Variants in KLHL21 observed in about 807,000 individuals in gnomAD.
KLHL21 encodes the protein kelch like family member 21.
In KLHL21, 42 loss-of-function variants were observed where a neutral mutation model predicts 44.1. The ratio of observed to expected loss-of-function variants is 0.95; its 90% CI spans 0.74 to 1.23. The LOEUF is 1.23. Ranked by LOEUF, KLHL21 falls within the 50% of genes most tolerant of loss-of-function variation. The probability of loss-of-function intolerance (pLI) is 0.00; values close to 1 mark genes in which losing one functional copy is unlikely to be tolerated. For synonymous variants in KLHL21, 524 were observed against 411.6 expected, an observed-to-expected ratio of 1.27 and a Z score of -3.31; for missense variants, 918 against 889.1, an observed-to-expected ratio of 1.03 and a Z score of -0.41.
intron 1 of KLHL21, 41 bp from the exon 2 acceptor site, chr1:6,599,493 G>A (rs370053353): frequency 8.3e-6 from 13 of 1,562,412 alleles, no homozygotes; most frequent in Admixed American, 1.7e-5. Flanking sequence ...GCCCACTCAG[G>A]TGAGTCACCC....
intron 1 of KLHL21, among the ~76,000 whole-genome samples, chr1:6,600,409 C>G (rs1557435870): frequency 6.6e-6 from 1 of 152,124 alleles, no homozygotes; most frequent in Non-Finnish European, 1.5e-5. Flanking sequence ...TAAATTACAC[C>G]AGGTCTATTA....
chr1:6,594,065 G>T, intron 3 of KLHL21: 1 of 1,016,760 alleles, frequency 9.8e-7, no homozygotes, highest in Non-Finnish European at 1.2e-6. Flanking sequence ...GAGGCTGGAT[G>T]ATTCCTTCCA....
intron 1 of KLHL21, 82 bp downstream of exon 1, chr1:6,601,715 T>G: frequency 1.4e-6 from 2 of 1,465,270 alleles, no homozygotes; most frequent in Non-Finnish European, 1.8e-6. Context: ...CCAGGCTCTG[T>G]GCGCTTCCCC....
chr1:6,593,578 CGA>C lies in KLHL21; in HGVS notation c.1579_1580del (p.Ser527GlyfsTer7). 2 of 1,613,860 alleles carry C rather than the reference CGA, an allele frequency of 1.2e-6. No individual in the cohort carries two copies. Among genetic ancestry groups the C allele is most frequent in the Non-Finnish European group, 1.7e-6 (2 of 1,179,900 alleles). On this transcript the variant is annotated frameshift_variant, in exon 4 of 4. Coordinates refer to ENST00000377658, the MANE Select transcript of KLHL21 (RefSeq NM_014851.4). LOFTEE classifies it high-confidence loss of function. ...SGGYDNTFEL[S>X]DVVEAYDPET... ...CTGGGTCATAGGCCTCTACCACGTC[CGA>C]GAGTTCAAATGTATTGTCGTATCCC...
At chr1:6,599,981 T>A (rs559065499) in intron 1 of KLHL21, among the ~76,000 whole-genome samples, 1 of 152,292 alleles carries the variant, frequency 6.6e-6, no homozygotes, top group South Asian at 2.1e-4. Flanking sequence ...CAAAGCTGTG[T>A]TTGGTTTAGA....
In KLHL21 at chr1:6,594,967, G is replaced by A. The variant is rs1183988997; in HGVS notation, c.1500+518C>T. On this transcript the variant is annotated intron_variant, in intron 3 of 3. Coordinates refer to ENST00000377658, the MANE Select transcript of KLHL21 (RefSeq NM_014851.4). The stretch of plus-strand genomic sequence containing the variant: ...CTCAGCTATTCAGGAAGGTGCGGTG[G>A]GAGGACTGCGAGTCAAGGAGGTGGA... 2.7e-5 allele frequency: 5 copies of A among 182,518 alleles called. No homozygotes were observed. The East Asian group carries it at 6.1e-4, about 22-fold the overall frequency. The allele number at this position is 182,518 out of a possible 1,614,324, so 11.3% of individuals were successfully genotyped here. A position where few individuals can be genotyped will look rare whatever the true frequency, so the allele number is the denominator to read the frequency against.
intron 3 of KLHL21, chr1:6,594,073 C>T: frequency 2.0e-6 from 2 of 1,009,578 alleles, no homozygotes; most frequent in Non-Finnish European, 2.4e-6. Flanking sequence ...ATGATTCCTT[C>T]CATCTTTCCC....
At position 6,593,626 on chromosome 1, in the gene KLHL21, C is replaced by T. The variant is rs1191205878; in HGVS notation, c.1533G>A (p.Gly511=). ...VHVGGSLAVL[G]GKLYVSGGYD... is the part of the protein sequence containing the mutation. ...ATCCCCCAGAGACGTACAGCTTCCC[C>T]CCAAGGACGGCCAGGCTGCCCCCCA... is the stretch of plus-strand genomic sequence containing the variant. Residue 511 remains glycine (G), a synonymous_variant, in exon 4 of 4, where the codon GGG becomes GGA. Transcript: ENST00000377658. 1 of 1,596,038 alleles carries T rather than the reference C, an allele frequency of 6.3e-7. No homozygotes were observed. The highest frequency in any genetic ancestry group is 1.3e-5 in the African/African-American group (1 of 74,642).
chr1:6,599,845 T>G, intron 1 of KLHL21: 3 of 189,152 alleles, frequency 1.6e-5, no homozygotes, highest in African/African-American at 2.3e-5. Flanking sequence ...CACTAACTCC[T>G]AGGCTTCCTG....
At chr1:6,597,196 G>A (rs973912677) in intron 2 of KLHL21, among the ~76,000 whole-genome samples, 2 of 152,160 alleles carry the variant, frequency 1.3e-5, no homozygotes, top group African/African-American at 4.8e-5. Flanking sequence ...AGTGGCTTAG[G>A]AAACCCCTGG....
At position 6,593,404 on chromosome 1, in the gene KLHL21, G is replaced by T. The variant is rs1640880943; in HGVS notation, c.1755C>A (p.Gly585=). 2.5e-6 allele frequency: 4 copies of T among 1,608,640 alleles called. No individual in the cohort carries two copies. The highest frequency in any genetic ancestry group is 1.7e-6 in the Non-Finnish European group (2 of 1,177,868). ...LDSGSDDMDP[G]RPRPPRDPDE... is the part of the protein sequence containing the mutation. ...CGGGGTCCCGCGGCGGCCGGGGTCG[G>T]CCTGGGTCCATGTCATCGCTGCCAC... The change falls in exon 4 of 4, where the codon GGC becomes GGA. Residue 585 remains glycine, a synonymous_variant. Transcript: ENST00000377658.
rs1284017386 is a variant in KLHL21, at chr1:6,599,290, T to C, written c.1184A>G (p.Tyr395Cys). ...YVVAADSTER[Y>C]DHTTDSWEAL... is the part of the protein sequence containing the mutation. ...CTCCCAGGAGTCAGTGGTGTGGTCATAGCGCTCGGTGCTGTCGGCGGCCAC... is the reference window on the plus strand; with the variant it reads ...CTCCCAGGAGTCAGTGGTGTGGTCACAGCGCTCGGTGCTGTCGGCGGCCAC... The change falls in exon 2 of 4, where the codon TAT becomes TGT. Residue 395 changes from tyrosine to cysteine, a missense_variant. By Grantham distance (194) the Tyr-to-Cys change is radical. Transcript: ENST00000377658. 3 of 1,614,002 alleles carry C rather than the reference T, an allele frequency of 1.9e-6. No homozygotes were observed. In the South Asian group the frequency reaches 3.3e-5, roughly 18 times the overall value.
intron 1 of KLHL21, among the ~76,000 whole-genome samples, chr1:6,600,807 T>C (rs1439367901): frequency 6.6e-6 from 1 of 152,132 alleles, no homozygotes; most frequent in African/African-American, 2.4e-5. Flanking sequence ...GGGGACAACC[T>C]TGGATTGGAA....
chr1:6,596,137 C>T (rs1329506369), intron 2 of KLHL21, among the ~76,000 whole-genome samples: 3 of 152,240 alleles, frequency 2.0e-5, no homozygotes, highest in Non-Finnish European at 4.4e-5. Context: ...CTGTGGCTCA[C>T]GCCTGTAATG....
intron 2 of KLHL21, among the ~76,000 whole-genome samples, chr1:6,596,377 G>T (rs778251893): frequency 6.6e-6 from 1 of 152,238 alleles, no homozygotes; most frequent in Admixed American, 6.5e-5. Context: ...ATTACAGTGA[G>T]CCAAGAGCGT....
In KLHL21 at chr1:6,591,257, TAG is replaced by T. The variant is rs1011416036; in HGVS notation, c.*2106_*2107del. On this transcript the variant is annotated 3_prime_UTR_variant, in exon 4 of 4. Coordinates refer to ENST00000377658, the MANE Select transcript of KLHL21 (RefSeq NM_014851.4). ...AGGGTCCTGATGGTGGAGACCTGGG[TAG>T]GTCCGGAGGACAGACACAGGAGAGG... 1 of 361,006 alleles carries T rather than the reference TAG, an allele frequency of 2.8e-6. No individual in the cohort carries two copies. Among genetic ancestry groups the T allele is most frequent in the African/African-American group, 2.1e-5 (1 of 47,954 alleles). The allele number at this position is 361,006 out of a possible 1,614,324, so 22.4% of individuals were successfully genotyped here. A position where few individuals can be genotyped will look rare whatever the true frequency, so the allele number is the denominator to read the frequency against.
At chr1:6,593,684 G>A (rs1221736253) in intron 3 of KLHL21, 26 bp from the exon 4 acceptor site, 3 of 1,541,568 alleles carry the variant, frequency 1.9e-6, no homozygotes, top group Non-Finnish European at 2.6e-6. Context: ...ATGAGTGAGT[G>A]GAGGTCAGAG....
chr1:6,602,270 C>G lies in KLHL21; in HGVS notation c.548G>C (p.Arg183Pro). 1 of 1,553,204 alleles carries G rather than the reference C, an allele frequency of 6.4e-7. No individual in the cohort carries two copies. The highest frequency in any genetic ancestry group is 8.6e-7 in the Non-Finnish European group (1 of 1,156,850). The change falls in exon 1 of 4, where the codon CGC becomes CCC. Residue 183 changes from arginine (R) to proline (P), a missense_variant. Transcript: ENST00000377658. ...LERLPLARLL[R>P]YLRDDGLCVP... is the part of the protein sequence containing the mutation. ...ACACAGCCCGTCGTCCCGCAGGTAG[C>G]GCAGCAGGCGCGCCAGTGGCAGCCG...
Position 6,599,133 on chromosome 1 carries a change from C to G in KLHL21, c.1341G>C (p.Leu447=). Residue 447 remains leucine (L), a synonymous_variant, in exon 2 of 4, where the codon CTG becomes CTC. Coordinates refer to ENST00000377658, the MANE Select transcript of KLHL21 (RefSeq NM_014851.4). ...GCTGGCCGCAGTCCACCAGCGACCA[C>G]AGGTCGGTGTCCGGGTCGTAGCACT... ...VMQCYDPDTD[L]WSLVDCGQLP... 1.9e-6 allele frequency: 3 copies of G among 1,613,874 alleles called. No individual in the cohort carries two copies. The highest frequency in any genetic ancestry group is 2.5e-6 in the Non-Finnish European group (3 of 1,179,948).
Sources: gnomAD v4.1 joint callset for allele counts (sites outside exome capture counted in the v4.1 genomes callset) on GRCh38, gnomAD v4.1.1 for gene constraint, MANE v1.5 for transcripts, NCBI Gene and HGNC (gene_info 2026-07-23, HGNC 2026-07-21) for gene names.